LARS2: variants seen among roughly 807,000 people sequenced by gnomAD.
The protein encoded by LARS2 is leucine--tRNA ligase, mitochondrial.
In LARS2, 81 loss-of-function variants were observed where a neutral mutation model predicts 116.6. The observed-to-expected ratio is 0.69, with a 90% confidence interval of 0.58 to 0.84. The LOEUF (loss-of-function observed/expected upper bound fraction) is 0.84, where lower values mean the gene tolerates loss of function less well. Among genes scored for constraint, LARS2 ranks in the 40% least tolerant of loss-of-function variants. The pLI is 0.00. For synonymous variants in LARS2, 396 were observed against 407.2 expected, an observed-to-expected ratio of 0.97 and a Z score of 0.33; for missense variants, 968 against 1,114.5, an observed-to-expected ratio of 0.87 and a Z score of 1.87.
At chr3:45,400,191 C>T (rs1215713752) in intron 3 of LARS2, 54 bp from the exon 4 acceptor site, 1 of 1,546,954 alleles carries the variant, frequency 6.5e-7, no homozygotes, top group Non-Finnish European at 8.8e-7. Context: ...ATTATGTATA[C>T]ATGCAGAGTT....
Position 45,500,476 on chromosome 3 carries a change from C to G in LARS2, c.1657C>G (p.Pro553Ala). 6.2e-7 allele frequency: 1 copy of G among 1,605,378 alleles called. No homozygotes were observed. The highest frequency in any genetic ancestry group is 8.5e-7 in the Non-Finnish European group (1 of 1,177,330). ...FNTAVADYWM[P>A]VDLYIGGKEH... Reference sequence around the variant, plus strand: ...CACAGCAGTGGCCGATTACTGGATGCCTGTGGATTTGTACATTGGAGGGAA... The same window carrying G: ...CACAGCAGTGGCCGATTACTGGATGGCTGTGGATTTGTACATTGGAGGGAA... The change falls in exon 15 of 22, where the codon CCT becomes GCT. Residue 553 changes from proline (P) to alanine (A), a missense_variant. Pro to Ala is a conservative substitution (Grantham distance 27, BLOSUM62 -1). Coordinates refer to ENST00000645846, the MANE Select transcript of LARS2 (RefSeq NM_015340.4).
At chr3:45,489,342 A>G (rs1190672953) in intron 12 of LARS2, among the ~76,000 whole-genome samples, 4 of 152,222 alleles carry the variant, frequency 2.6e-5, no homozygotes, top group Admixed American at 6.5e-5. Context: ...TGGAAGAGGT[A>G]GGGTGAGGGA....
chr3:45,439,580 T>G (rs1356861761), intron 6 of LARS2, among the ~76,000 whole-genome samples: 3 of 151,778 alleles, frequency 2.0e-5, no homozygotes, highest in Non-Finnish European at 4.4e-5. Context: ...GAAGTTTATA[T>G]ATCTGTTGCC....
chr3:45,415,876 TAGAGAGAGAGAGAGAGGGAGAGAGAG>T (rs1698409239), intron 4 of LARS2, among the ~76,000 whole-genome samples: 23 of 69,028 alleles, frequency 3.3e-4, no homozygotes, highest in African/African-American at 8.8e-4. Flanking sequence ...TATATATATA[TAGAGAGAGAGAGAGAGGGAGAGAGAG>T]AGAGAGAGAG....
intron 4 of LARS2, among the ~76,000 whole-genome samples, chr3:45,413,106 C>T (rs1352067758): frequency 6.6e-6 from 1 of 152,202 alleles, no homozygotes; most frequent in African/African-American, 2.4e-5. Context: ...GTGGTCCGTT[C>T]GGTTTGGGTA....
chr3:45,481,764 C>G (rs1699707067), intron 10 of LARS2, among the ~76,000 whole-genome samples: 1 of 152,102 alleles, frequency 6.6e-6, no homozygotes, highest in African/African-American at 2.4e-5. Context: ...AGTCTCTTAT[C>G]AGATACGTAA....
intron 20 of LARS2, among the ~76,000 whole-genome samples, chr3:45,532,840 C>T (rs531767776): frequency 6.6e-6 from 1 of 152,140 alleles, no homozygotes; most frequent in Admixed American, 6.5e-5. Context: ...CGAGGTTTTG[C>T]CATGTTGGCC....
intron 6 of LARS2, among the ~76,000 whole-genome samples, chr3:45,438,465 C>T (rs1698842823): frequency 6.6e-6 from 1 of 151,762 alleles, no homozygotes; most frequent in Non-Finnish European, 1.5e-5. Context: ...CAGACCACTG[C>T]GGGAATGGTC....
At chr3:45,501,804 G>GATACCTTCTCAGT (rs1553636027) in intron 15 of LARS2, among the ~76,000 whole-genome samples, 13 of 152,144 alleles carry the variant, frequency 8.5e-5, no homozygotes, top group Admixed American at 1.3e-4. Context: ...GTAGAAATGA[G>GATACCTTCTCAGT]GGATCCGATC....
chr3:45,524,001 C>G lies in LARS2; in HGVS notation c.2297C>G (p.Ala766Gly), dbSNP rs768078184. The G allele has an allele frequency of 1.9e-6, 3 of 1,613,002 alleles. No homozygotes were observed. The highest frequency in any genetic ancestry group is 1.7e-5 in the Admixed American group (1 of 59,988). ...CTTTTTTTTCCTCTTCCTTAGCAAG[C>G]CTCTCAGAGCGTCATTCTCCACAGC... ...LMGLSNALSQASQSVILHSPE... is the reference protein window; with the variant it reads ...LMGLSNALSQGSQSVILHSPE... The change falls in exon 20 of 22, where the codon GCC becomes GGC. Residue 766 changes from alanine (A) to glycine (G), a missense_variant. Coordinates refer to ENST00000645846, the MANE Select transcript of LARS2 (RefSeq NM_015340.4).
rs974953734 is a variant in LARS2, at chr3:45,513,006, C to T, written c.1761-129C>T. 7.8e-5 allele frequency: 54 copies of T among 695,702 alleles called. 1 individual carries two copies. In the Admixed American group the frequency reaches 1.1e-3, roughly 14 times the overall value. The allele number at this position is 695,702 out of a possible 1,614,324, so 43.1% of individuals were successfully genotyped here. A position where few individuals can be genotyped will look rare whatever the true frequency, so the allele number is the denominator to read the frequency against. On this transcript the variant is annotated intron_variant, in intron 15 of 21. Transcript: ENST00000645846. ...TGTTTAAGCTGGGTTTATAAGTGGCCTTGGTCAGCCCGCCTGCTTTTATGA... is the reference window on the plus strand; with the variant it reads ...TGTTTAAGCTGGGTTTATAAGTGGCTTTGGTCAGCCCGCCTGCTTTTATGA...
At chr3:45,420,280 T>C (rs1325317383) in intron 6 of LARS2, among the ~76,000 whole-genome samples, 1 of 152,176 alleles carries the variant, frequency 6.6e-6, no homozygotes, top group African/African-American at 2.4e-5. Context: ...TTTGGAACAC[T>C]CGTGTTGCAA....
At chr3:45,479,178 T>G (rs753300882) in intron 10 of LARS2, among the ~76,000 whole-genome samples, 2 of 152,198 alleles carry the variant, frequency 1.3e-5, no homozygotes, top group African/African-American at 2.4e-5. Flanking sequence ...ATGACCAAGA[T>G]TCTGGTCCTA....
At chr3:45,437,206 A>G (rs777427751) in intron 6 of LARS2, among the ~76,000 whole-genome samples, 1 of 152,236 alleles carries the variant, frequency 6.6e-6, no homozygotes, top group African/African-American at 2.4e-5. Flanking sequence ...TTAGCCCTAG[A>G]TTTGAAAAAC....
intron 8 of LARS2, among the ~76,000 whole-genome samples, chr3:45,465,655 G>C (rs1699410514): frequency 6.6e-6 from 1 of 152,330 alleles, no homozygotes; most frequent in East Asian, 1.9e-4. Flanking sequence ...CTCCAGGAAA[G>C]GTCCTCCAGG....
Position 45,430,029 on chromosome 3 carries a change from T to TTTTTTTTTTTTG in LARS2, c.516+10300_516+10301insTTTTTTTTTTTG, listed in dbSNP as rs1553629354. Among the ~76,000 whole-genome samples, 59 of 138,844 alleles carry TTTTTTTTTTTTG rather than the reference T, an allele frequency of 4.2e-4. 5 individuals are homozygous for TTTTTTTTTTTTG. The highest frequency in any genetic ancestry group is 1.3e-3 in the African/African-American group (47 of 35,250). 91.1% of individuals were successfully genotyped at this position (138,844 alleles called of 152,430 possible). A position where few individuals can be genotyped will look rare whatever the true frequency, so the allele number is the denominator to read the frequency against. On this transcript the variant is annotated intron_variant, in intron 6 of 21. Transcript: ENST00000645846. Reference sequence around the variant, plus strand: ...TTTTTTTTTTTTTTTTTTTTTTTTTTGAGACAGAGTCTTGCTCTGTCGCCC... The same window carrying TTTTTTTTTTTTG: ...TTTTTTTTTTTTTTTTTTTTTTTTTTTTTTTTTTTTTGGAGACAGAGTCTTGCTCTGTCGCCC...
At chr3:45,405,958 A>G (rs1698226547) in intron 4 of LARS2, among the ~76,000 whole-genome samples, 1 of 152,088 alleles carries the variant, frequency 6.6e-6, no homozygotes, top group Non-Finnish European at 1.5e-5. Context: ...TCCAACCTCA[A>G]AGAGGGTAAA....
chr3:45,423,780 T>C (rs1193702511), intron 6 of LARS2, among the ~76,000 whole-genome samples: 2 of 152,214 alleles, frequency 1.3e-5, no homozygotes, highest in African/African-American at 4.8e-5. Context: ...GTTTTAACTC[T>C]TGGTTTGGTG....
chr3:45,521,811 A>G (rs1214429011), intron 19 of LARS2, among the ~76,000 whole-genome samples: 1 of 152,092 alleles, frequency 6.6e-6, no homozygotes, highest in Non-Finnish European at 1.5e-5. Flanking sequence ...AGAATACTTT[A>G]ACGTAACTAT....
Sources: allele counts gnomAD v4.1 joint callset (sites outside exome capture counted in the v4.1 genomes callset), GRCh38; gene constraint gnomAD v4.1.1; transcripts MANE v1.5; gene names NCBI Gene and HGNC (gene_info 2026-07-23, HGNC 2026-07-21).